DGKH: variants seen among roughly 807,000 people sequenced by gnomAD.
The protein encoded by DGKH is diacylglycerol kinase eta.
Under a neutral mutation model 159.3 loss-of-function variants are expected in DGKH, and 90 were observed. The ratio of observed to expected loss-of-function variants is 0.57; its 90% CI spans 0.48 to 0.67. The LOEUF is 0.67. Ranked by LOEUF, DGKH falls within the 30% of genes least tolerant of loss-of-function variation. DGKH has a pLI of 0.00. For missense variants in DGKH, 1,181 were observed against 1,506.1 expected, an observed-to-expected ratio of 0.78 and a Z score of 3.57; for synonymous variants, 536 against 553.8, an observed-to-expected ratio of 0.97 and a Z score of 0.45.
chr13:42,112,879 C>T (rs147154242), intron 1 of DGKH, among the ~76,000 whole-genome samples: 2 of 152,334 alleles, frequency 1.3e-5, no homozygotes, highest in Non-Finnish European at 2.9e-5. Context: ...GCAGCTGGAG[C>T]CATTCTTCTC....
chr13:42,045,966 T>G (rs990918101), upstream of DGKH, among the ~76,000 whole-genome samples: 3 of 152,226 alleles, frequency 2.0e-5, no homozygotes, highest in African/African-American at 7.2e-5. Context: ...ATCTTCAGTC[T>G]AATAGGTGTT....
At chr13:42,199,286 A>G (rs1957288856) in intron 18 of DGKH, among the ~76,000 whole-genome samples, 1 of 152,162 alleles carries the variant, frequency 6.6e-6, no homozygotes, top group Non-Finnish European at 1.5e-5. Flanking sequence ...GTAGTGAGGA[A>G]CTTAAGTAGA....
intron 1 of DGKH, among the ~76,000 whole-genome samples, chr13:42,052,292 A>G (rs941711472): frequency 6.6e-6 from 1 of 151,994 alleles, no homozygotes; most frequent in African/African-American, 2.4e-5. Flanking sequence ...TTTTCCATTT[A>G]TTCCTGGTTT....
chr13:42,168,961 G>A (rs968615048), intron 11 of DGKH, 143 bp downstream of exon 11: 2 of 894,318 alleles, frequency 2.2e-6, no homozygotes, highest in African/African-American at 1.7e-5. Flanking sequence ...CTTGTCCACT[G>A]GTTAATCCCT....
At position 42,178,924 on chromosome 13, in the gene DGKH, G is replaced by GA. The variant is rs1956674678; in HGVS notation, c.1538+708dup. On this transcript the variant is annotated intron_variant, in intron 13 of 29. Coordinates refer to ENST00000337343, the MANE Select transcript of DGKH (RefSeq NM_178009.5). ...GTTACTGTTATGCAGGAAGAGAGCA[G>GA]AAAAGGGGAAGAAAGAAAGAAAAGG... Among the ~76,000 whole-genome samples, 3 of 152,176 alleles carry GA rather than the reference G, an allele frequency of 2.0e-5. No homozygotes were observed. In the South Asian group the frequency reaches 6.2e-4, roughly 32 times the overall value.
chr13:42,085,887 A>G (rs1196504359), intron 1 of DGKH, among the ~76,000 whole-genome samples: 1 of 152,102 alleles, frequency 6.6e-6, no homozygotes, highest in African/African-American at 2.4e-5. Context: ...ACTGATACTC[A>G]TGCATGATGT....
upstream of DGKH, chr13:42,048,626 C>G: frequency 9.4e-7 from 1 of 1,059,392 alleles, no homozygotes; most frequent in Non-Finnish European, 1.2e-6. This position sits in a 1 kb window ranked among gnomAD's most constrained non-coding sequence, Gnocchi z 6.7. Context: ...CCCGGGCGAC[C>G]CTTACCTCGC....
Position 42,049,008 on chromosome 13 carries a change from G to A in DGKH, c.192+43G>A, listed in dbSNP as rs375273514. ...GGCCTGAGGGCCGCGTGGAAAGCGG[G>A]AGGTGGAGAGGGCGCGGGGGCGCTG... On this transcript the variant is annotated intron_variant, in intron 1 of 29. Transcript: ENST00000337343. The A allele has an allele frequency of 1.5e-4, 188 of 1,255,044 alleles. 1 individual carries two copies. The African/African-American group carries it at 2.5e-3, about 17-fold the overall frequency. The allele number at this position is 1,255,044 out of a possible 1,614,324, so 77.7% of individuals were successfully genotyped here.
At chr13:42,054,990 C>A (rs374654018) in intron 1 of DGKH, among the ~76,000 whole-genome samples, 3 of 152,182 alleles carry the variant, frequency 2.0e-5, no homozygotes, top group African/African-American at 7.2e-5. Flanking sequence ...TTTAAGGACA[C>A]TGAAATTTGA....
intron 3 of DGKH, among the ~76,000 whole-genome samples, chr13:42,146,106 CT>C (rs1276326710): frequency 4.0e-5 from 6 of 149,548 alleles, no homozygotes; most frequent in Non-Finnish European, 1.5e-5. Flanking sequence ...GCAGTTAATC[CT>C]TTTCCCTTTG....
intron 1 of DGKH, among the ~76,000 whole-genome samples, chr13:42,051,117 C>T (rs1881261032): frequency 6.6e-6 from 1 of 152,172 alleles, no homozygotes; most frequent in African/African-American, 2.4e-5. Flanking sequence ...TTAAAAAGCA[C>T]ATTATTTGTG....
chr13:42,069,188 C>T, intron 1 of DGKH: 2 of 1,320,172 alleles, frequency 1.5e-6, no homozygotes, highest in Non-Finnish European at 2.1e-6. Context: ...TCAGGATCTT[C>T]TTTCCTGCTG....
exon 1 of DGKH, chr13:42,040,080 C>T (rs2137616506): frequency 6.6e-6 from 1 of 152,502 alleles, no homozygotes; most frequent in South Asian, 2.1e-4. Flanking sequence ...GCAGCTTGCC[C>T]TGGAGCGTAG....
rs752901725 is a variant in DGKH at position 42,168,790 on chromosome 13, G to C, written c.1339G>C (p.Glu447Gln). The stretch of plus-strand genomic sequence containing the variant: ...ACTTCCTCAGATCCTAGAGAAACTG[G>C]AACGAGCCAGTACCAAAATGTTGGA... ...TQLPQILEKL[E>Q]RASTKMLDRW... is the part of the protein sequence containing the mutation. The change falls in exon 11 of 30, where the codon GAA (glutamate) becomes CAA (glutamine). Residue 447 changes from glutamate (E) to glutamine (Q), a missense_variant. Around this residue, in one of 5 missense-constraint regions of DGKH, gnomAD observed 369 missense variants for 519.4 expected, o/e 0.71. Coordinates refer to ENST00000337343, the MANE Select transcript of DGKH (RefSeq NM_178009.5). 3.1e-6 allele frequency: 5 copies of C among 1,613,878 alleles called. No individual in the cohort carries two copies. Among genetic ancestry groups the C allele is most frequent in the Non-Finnish European group, 3.4e-6 (4 of 1,179,864 alleles).
intron 1 of DGKH, among the ~76,000 whole-genome samples, chr13:42,075,855 T>C (rs1954085533): frequency 6.6e-6 from 1 of 152,218 alleles, no homozygotes; most frequent in South Asian, 2.1e-4. Flanking sequence ...CCTAATTCCA[T>C]CCTTGATTTC....
rs540148237 is a variant in DGKH, at chr13:42,181,515, C to G, written c.1538+3295C>G. ...ACTGTTTCAGCACCTCCTTGGAACC[C>G]TCACTGAGCTTGACATCACCCTAGT... On this transcript the variant is annotated intron_variant, in intron 13 of 29. Coordinates refer to ENST00000337343, the MANE Select transcript of DGKH (RefSeq NM_178009.5). The G allele has an allele frequency of 1.0e-3, 208 of 206,420 alleles. 4 individuals carry two copies. The highest frequency in any genetic ancestry group is 1.6e-4 in the Non-Finnish European group (15 of 95,376). 12.8% of individuals were successfully genotyped at this position (206,420 alleles called of 1,614,324 possible).
intron 1 of DGKH, chr13:42,069,631 T>C (rs1882822620): frequency 7.8e-6 from 11 of 1,408,760 alleles, no homozygotes; most frequent in Middle Eastern, 2.6e-4. Context: ...TCTTTTCTTA[T>C]CAGATTTTTC....
chr13:42,047,495 T>C (rs1372502275), upstream of DGKH, among the ~76,000 whole-genome samples: 1 of 152,238 alleles, frequency 6.6e-6, no homozygotes, highest in African/African-American at 2.4e-5. Context: ...TATTTAAAAA[T>C]ATAGCTAACA....
intron 3 of DGKH, among the ~76,000 whole-genome samples, chr13:42,142,036 A>G (rs1362537417): frequency 1.3e-5 from 2 of 151,314 alleles, no homozygotes; most frequent in African/African-American, 4.9e-5. Context: ...TAGGTCTAAC[A>G]TTTAAGTCTT....
Sources: gnomAD v4.1 joint callset for allele counts (sites outside exome capture counted in the v4.1 genomes callset) on GRCh38, gnomAD v4.1.1 for gene constraint, gnomAD v4.1.1 regional missense constraint, Gnocchi (gnomAD v3.1) non-coding constraint, MANE v1.5 for transcripts, NCBI Gene and HGNC (gene_info 2026-07-23, HGNC 2026-07-21) for gene names.